GPHN: variants seen among roughly 807,000 people sequenced by gnomAD.
GPHN encodes the protein gephyrin.
A neutral mutation model predicts 95.5 loss-of-function variants in GPHN; 17 were observed. That is an observed-to-expected ratio of 0.18 (90% CI 0.12 to 0.27). The LOEUF (loss-of-function observed/expected upper bound fraction) is 0.27. Among genes scored for constraint, GPHN ranks in the 10% least tolerant of loss-of-function variants. GPHN has a pLI of 1.00. For synonymous variants in GPHN, 320 were observed against 322.5 expected, an observed-to-expected ratio of 0.99 and a Z score of 0.08; for missense variants, 660 against 978.1, an observed-to-expected ratio of 0.67 and a Z score of 4.34.
chr14:67,644,979 CAG>C, the GPHN span, among the ~76,000 whole-genome samples: 4 of 144,268 alleles, frequency 2.8e-5, no homozygotes, highest in South Asian at 6.5e-4. Flanking sequence ...GCCTGGGAAA[CAG>C]AGCGAGACTC....
At chr14:67,731,881 C>T in the GPHN span, among the ~76,000 whole-genome samples, 1 of 151,850 alleles carries the variant, frequency 6.6e-6, no homozygotes, top group East Asian at 1.9e-4. Flanking sequence ...AATCCCAGCA[C>T]TTTGGGAGGC....
the GPHN span, chr14:67,590,248 A>ATT: frequency 1.7e-6 from 2 of 1,178,334 alleles, no homozygotes; most frequent in Non-Finnish European, 2.3e-6. Context: ...TCCACTTGCA[A>ATT]ATTTTTTTTT....
chr14:67,171,362 G>A (rs2082586281), intron 21 of GPHN, among the ~76,000 whole-genome samples: 1 of 150,302 alleles, frequency 6.7e-6, no homozygotes, highest in Non-Finnish European at 1.5e-5. Flanking sequence ...CACTTCCAAA[G>A]CATCTGGTAA....
At chr14:67,694,515 TA>T in the GPHN span, among the ~76,000 whole-genome samples, 3,947 of 136,464 alleles carry the variant, frequency 0.029, 196 homozygotes, top group African/African-American at 0.097. Context: ...TACACACATA[TA>T]TTTTTTTTTT....
At chr14:67,363,199 T>A in the GPHN span, among the ~76,000 whole-genome samples, 1 of 151,888 alleles carries the variant, frequency 6.6e-6, no homozygotes, top group East Asian at 1.9e-4. Flanking sequence ...TCAACAACAG[T>A]TTCCCCACCC....
chr14:66,818,247 T>TTCTC (rs778965453), intron 3 of GPHN, among the ~76,000 whole-genome samples: 2 of 152,098 alleles, frequency 1.3e-5, no homozygotes, highest in Non-Finnish European at 2.9e-5. Context: ...TATTTCCTGC[T>TTCTC]TCTCTCCCTC....
rs138581455 is a variant in GPHN at position 66,992,441 on chromosome 14, C to T, written c.963+27116C>T. On this transcript the variant is annotated intron_variant, in intron 9 of 22. Coordinates refer to ENST00000478722, the MANE Select transcript of GPHN (RefSeq NM_020806.5). ...TTTTAATAAGTGTTAAGAAAAATACCTGAATCAAGTTAGAAAGTAATGATC... is the reference window on the plus strand; with the variant it reads ...TTTTAATAAGTGTTAAGAAAAATACTTGAATCAAGTTAGAAAGTAATGATC... 9.0e-3 allele frequency among the ~76,000 whole-genome samples: 1,369 copies of T among 152,116 alleles called. 15 individuals carry two copies. Among genetic ancestry groups the T allele is most frequent in the South Asian group, 0.03 (146 of 4,812 alleles).
rs1184350786 is a variant in GPHN at position 66,508,204 on chromosome 14, C to T, written c.-324C>T. On this transcript the variant is annotated 5_prime_UTR_variant, in exon 1 of 23. Transcript: ENST00000478722. ...TGGGTCTCGCGCTCCGCAGAGCGTT[C>T]CGACACTCTCCGGCCTCGTTCTGCC... 1 of 513,600 alleles carries T rather than the reference C, an allele frequency of 1.9e-6. No individual in the cohort carries two copies. The highest frequency in any genetic ancestry group is 3.5e-5 in the East Asian group (1 of 28,916). 31.8% of individuals were successfully genotyped at this position (513,600 alleles called of 1,614,324 possible). A position where few individuals can be genotyped will look rare whatever the true frequency, so the allele number is the denominator to read the frequency against.
intron 1 of GPHN, among the ~76,000 whole-genome samples, chr14:66,549,448 T>C (rs536641657): frequency 6.6e-6 from 1 of 152,220 alleles, no homozygotes; most frequent in East Asian, 1.9e-4. Flanking sequence ...CTCAATTCTG[T>C]GAAGGTCAAG....
intron 1 of GPHN, among the ~76,000 whole-genome samples, chr14:66,516,070 G>T (rs751213835): frequency 6.6e-6 from 1 of 151,288 alleles, no homozygotes. Context: ...GCAGTGGTGC[G>T]ATCTCAGCTT....
intron 18 of GPHN, among the ~76,000 whole-genome samples, chr14:67,153,435 G>A (rs1472935696): frequency 6.6e-6 from 1 of 152,160 alleles, no homozygotes. Flanking sequence ...ACCCTCACAT[G>A]GCAGAAAGAG....
intron 1 of GPHN, among the ~76,000 whole-genome samples, chr14:66,616,939 C>G (rs1048900851): frequency 3.9e-5 from 6 of 152,202 alleles, no homozygotes; most frequent in African/African-American, 1.4e-4. Context: ...ATCTCCTGAC[C>G]TCGTGATCTG....
At chr14:67,097,692 T>C (rs1416025235) in intron 12 of GPHN, among the ~76,000 whole-genome samples, 4 of 152,196 alleles carry the variant, frequency 2.6e-5, no homozygotes, top group Non-Finnish European at 2.9e-5. Context: ...CATAAAATCA[T>C]GTTTCTTTGC....
chr14:67,540,090 G>A, the GPHN span, among the ~76,000 whole-genome samples: 93 of 152,214 alleles, frequency 6.1e-4, no homozygotes, highest in African/African-American at 2.2e-3. Flanking sequence ...GAAGGAAAAG[G>A]GGATTTTGAA....
the GPHN span, among the ~76,000 whole-genome samples, chr14:67,388,754 A>AC: frequency 6.6e-6 from 1 of 152,092 alleles, no homozygotes; most frequent in Non-Finnish European, 1.5e-5. Context: ...ATCTCGGCTC[A>AC]CTGCAACCTC....
chr14:67,619,237 A>G, the GPHN span, among the ~76,000 whole-genome samples: 3 of 152,240 alleles, frequency 2.0e-5, no homozygotes, highest in Admixed American at 2.0e-4. Context: ...TAGTCTAAAT[A>G]CGTTGCTATA....
chr14:67,594,924 C>A, the GPHN span, among the ~76,000 whole-genome samples: 1 of 151,958 alleles, frequency 6.6e-6, no homozygotes, highest in Non-Finnish European at 1.5e-5. Flanking sequence ...CCGAGGCGGG[C>A]GGATCACGAG....
At chr14:67,697,883 A>G in the GPHN span, among the ~76,000 whole-genome samples, 4 of 152,244 alleles carry the variant, frequency 2.6e-5, no homozygotes, top group Non-Finnish European at 4.4e-5. Context: ...GTAGGGAAAG[A>G]GTCAAACTGC....
chr14:67,651,745 C>T, the GPHN span: 1 of 292,954 alleles, frequency 3.4e-6, no homozygotes. Flanking sequence ...TAGTTACTTC[C>T]TTTAAAAATA....
Sources: gnomAD v4.1 joint callset for allele counts (sites outside exome capture counted in the v4.1 genomes callset) on GRCh38, gnomAD v4.1.1 for gene constraint, MANE v1.5 for transcripts, NCBI Gene and HGNC (gene_info 2026-07-23, HGNC 2026-07-21) for gene names.